TAMALIN: variants seen among roughly 807,000 people sequenced by gnomAD.
TAMALIN encodes trafficking regulator and scaffold protein tamalin.
In TAMALIN, 9 loss-of-function variants were observed where a neutral mutation model predicts 38.5. The ratio of observed to expected loss-of-function variants is 0.23; its 90% CI spans 0.14 to 0.41. The LOEUF (loss-of-function observed/expected upper bound fraction) is 0.41. Ranked by LOEUF, TAMALIN falls within the 10% of genes least tolerant of loss-of-function variation. TAMALIN has a pLI of 1.00. For missense variants in TAMALIN, 548 were observed against 554.1 expected, an observed-to-expected ratio of 0.99 and a Z score of 0.11; for synonymous variants, 306 against 256.5, an observed-to-expected ratio of 1.19 and a Z score of -1.85.
chr12:52,015,023 G>C lies in TAMALIN; in HGVS notation c.1012G>C (p.Gly338Arg), dbSNP rs1326278194. Reference sequence around the variant, plus strand: ...CCGCAGCGCCAGTGTGCGGTGCGCGGGCCCTGGCGGGGGCGGAGGCGGGGG... The same window carrying C: ...CCGCAGCGCCAGTGTGCGGTGCGCGCGCCCTGGCGGGGGCGGAGGCGGGGG... Reference protein sequence around the residue: ...LSRSASVRCAGPGGGGGGGAP... With the variant: ...LSRSASVRCARPGGGGGGGAP... Residue 338 changes from glycine (G) to arginine (R), a missense_variant, in exon 8 of 8, where the codon GGC becomes CGC. By Grantham distance (125) the Gly-to-Arg change is moderately radical. This residue lies in a region of TAMALIN where 415 missense variants were observed against 417.0 expected (regional missense o/e 1.00). Transcript: ENST00000293662. 7.1e-6 allele frequency: 9 copies of C among 1,272,028 alleles called. No individual in the cohort carries two copies. Among genetic ancestry groups the C allele is most frequent in the Non-Finnish European group, 8.9e-6 (9 of 1,006,670 alleles). The allele number at this position is 1,272,028 out of a possible 1,614,324, so 78.8% of individuals were successfully genotyped here.
In TAMALIN at chr12:52,007,524, AC is replaced by A. The variant is rs1051703170; in HGVS notation, c.246+265del. ...CTCTCCCTCCTTGACTCCTCCCAGC[AC>A]CCCCCTTCTCCTACCCGCTCCATCT... On this transcript the variant is annotated intron_variant, in intron 1 of 7. Transcript: ENST00000293662. The surrounding 1 kb of genome is among the most constrained non-coding windows in gnomAD (Gnocchi z 6.7). 6.2e-6 allele frequency: 6 copies of A among 969,748 alleles called. No homozygotes were observed. The highest frequency in any genetic ancestry group is 4.9e-5 in the South Asian group (1 of 20,508). The allele number at this position is 969,748 out of a possible 1,614,324, so 60.1% of individuals were successfully genotyped here.
chr12:52,008,488 G>C (rs953318298), intron 1 of TAMALIN: 2 of 982,408 alleles, frequency 2.0e-6, no homozygotes, highest in African/African-American at 3.5e-5. Flanking sequence ...CATCTAAGAT[G>C]TTTTGTCCCA....
In TAMALIN at chr12:52,015,198, A is replaced by AGGGGCG. The variant is rs754620705; in HGVS notation, c.*8_*13dup. On this transcript the variant is annotated inframe_insertion and stop_retained_variant, in exon 8 of 8. Transcript: ENST00000293662. ...CTGGAGGAGGAGGAGAGCCAGCTGT[A>AGGGGCG]GGGGCGGGGGCGGGCAGGGAGGTAT... The AGGGGCG allele has an allele frequency of 8.1e-6, 9 of 1,110,836 alleles. No individual in the cohort carries two copies. Among genetic ancestry groups the AGGGGCG allele is most frequent in the Non-Finnish European group, 1.0e-5 (8 of 774,660 alleles). 68.8% of individuals were successfully genotyped at this position (1,110,836 alleles called of 1,614,324 possible). A position where few individuals can be genotyped will look rare whatever the true frequency, so the allele number is the denominator to read the frequency against.
chr12:52,009,249 C>T lies in TAMALIN; in HGVS notation c.296+10C>T, dbSNP rs1942461176. 1 of 1,613,584 alleles carries T rather than the reference C, an allele frequency of 6.2e-7. No homozygotes were observed. The highest frequency in any genetic ancestry group is 8.5e-7 in the Non-Finnish European group (1 of 1,179,764). ...GTCCTGAACAGCAGCGGTGAGTCAC[C>T]AACACCCAGCCCCTGCCATGGTCCA... On this transcript the variant is annotated intron_variant, in intron 2 of 7. Transcript: ENST00000293662.
chr12:52,007,230 C>A lies in TAMALIN; in HGVS notation c.211C>A (p.Leu71Ile). Residue 71 changes from leucine (L) to isoleucine (I), a missense_variant, in exon 1 of 8, where the codon CTC (leucine) becomes ATC (isoleucine). Leu to Ile is a conservative substitution (Grantham distance 5). Transcript: ENST00000293662. This position sits in a 1 kb window ranked among gnomAD's most constrained non-coding sequence, Gnocchi z 6.7. ...DYHPAELYRA[L>I]AVSGGTLPRR... ...TCACCCTGCCGAGCTGTACCGCGCG[C>A]TCGCCGTGTCCGGGGGCACCCTGCC... 7.0e-7 allele frequency: 1 copy of A among 1,430,876 alleles called. No homozygotes were observed. The highest frequency in any genetic ancestry group is 9.1e-7 in the Non-Finnish European group (1 of 1,097,248). 88.6% of individuals were successfully genotyped at this position (1,430,876 alleles called of 1,614,324 possible).
chr12:52,008,515 T>A, intron 1 of TAMALIN: 3 of 984,814 alleles, frequency 3.0e-6, no homozygotes, highest in Non-Finnish European at 3.6e-6. Context: ...ACAAAATATA[T>A]GGCAATGGAG....
Position 52,011,151 on chromosome 12 carries a change from G to T in TAMALIN, c.454+10G>T. On this transcript the variant is annotated intron_variant, in intron 4 of 7. Coordinates refer to ENST00000293662, the MANE Select transcript of TAMALIN (RefSeq NM_181711.4). This position sits in a 1 kb window ranked among gnomAD's most constrained non-coding sequence, Gnocchi z 5.3. ...GCTGGGCTCACACCAGGTGGGGCCT[G>T]AGCCCAGGACACCCAGGTCTGGGAA... 6.2e-7 allele frequency: 1 copy of T among 1,610,590 alleles called. No individual in the cohort carries two copies.
Position 52,015,322 on chromosome 12 carries a change from T to A in TAMALIN, c.*123T>A. 3.3e-6 allele frequency: 4 copies of A among 1,199,660 alleles called. No homozygotes were observed. The highest frequency in any genetic ancestry group is 4.4e-6 in the Non-Finnish European group (4 of 910,918). The allele number at this position is 1,199,660 out of a possible 1,614,324, so 74.3% of individuals were successfully genotyped here. A position where few individuals can be genotyped will look rare whatever the true frequency, so the allele number is the denominator to read the frequency against. ...CAGCGGGAGAGGGTCCTTCCTAGCC[T>A]CGGCCCGCCGGGTCGGTTCCTGGCT... On this transcript the variant is annotated 3_prime_UTR_variant, in exon 8 of 8. Coordinates refer to ENST00000293662, the MANE Select transcript of TAMALIN (RefSeq NM_181711.4).
At position 52,007,218 on chromosome 12, in the gene TAMALIN, C is replaced by G. The variant is rs369337869; in HGVS notation, c.199C>G (p.Leu67Val). Residue 67 changes from leucine to valine, a missense_variant, in exon 1 of 8, where the codon CTG becomes GTG. By Grantham distance (32) the Leu-to-Val change is conservative. Around this residue, in one of 3 missense-constraint regions of TAMALIN, gnomAD observed 128 missense variants for 117.9 expected, o/e 1.09. Coordinates refer to ENST00000293662, the MANE Select transcript of TAMALIN (RefSeq NM_181711.4). The surrounding 1 kb of genome is among the most constrained non-coding windows in gnomAD (Gnocchi z 6.7). ...GCTGGAGGACTATCACCCTGCCGAG[C>G]TGTACCGCGCGCTCGCCGTGTCCGG... is the stretch of plus-strand genomic sequence containing the variant. Reference protein sequence around the residue: ...AALEDYHPAELYRALAVSGGT... With the variant: ...AALEDYHPAEVYRALAVSGGT... The G allele has an allele frequency of 4.8e-6, 7 of 1,452,892 alleles. No homozygotes were observed. The highest frequency in any genetic ancestry group is 1.4e-5 in the South Asian group (1 of 70,006). 90.0% of individuals were successfully genotyped at this position (1,452,892 alleles called of 1,614,324 possible). A position where few individuals can be genotyped will look rare whatever the true frequency, so the allele number is the denominator to read the frequency against.
chr12:52,009,643 G>A (rs1307447671), intron 2 of TAMALIN, among the ~76,000 whole-genome samples: 1 of 152,248 alleles, frequency 6.6e-6, no homozygotes, highest in Non-Finnish European at 1.5e-5. Context: ...GTGTCCAGCT[G>A]CTTGGGGCTG....
At chr12:52,012,798 G>A (rs1269597613) in intron 4 of TAMALIN, among the ~76,000 whole-genome samples, 2 of 152,208 alleles carry the variant, frequency 1.3e-5, no homozygotes, top group Non-Finnish European at 2.9e-5. Context: ...CTGTGCTTGA[G>A]GTCAGGAAGC....
intron 4 of TAMALIN, among the ~76,000 whole-genome samples, chr12:52,012,694 A>G (rs1213097419): frequency 6.6e-6 from 1 of 152,204 alleles, no homozygotes; most frequent in Non-Finnish European, 1.5e-5. Context: ...AGTAGTTTCA[A>G]ATCCACTCTC....
At position 52,008,079 on chromosome 12, in the gene TAMALIN, T is replaced by C. The variant is rs1474476038; in HGVS notation, c.246+814T>C. ...TAGCCCCCACACAATGAACAGCTTG[T>C]TGAGAATTTGCATTTTATGAAAATC... On this transcript the variant is annotated intron_variant, in intron 1 of 7. Transcript: ENST00000293662. 3.0e-6 allele frequency: 3 copies of C among 985,422 alleles called. No homozygotes were observed. The East Asian group carries it at 3.4e-4, about 112-fold the overall frequency. 61.0% of individuals were successfully genotyped at this position (985,422 alleles called of 1,614,324 possible). A position where few individuals can be genotyped will look rare whatever the true frequency, so the allele number is the denominator to read the frequency against.
chr12:52,010,909 A>T lies in TAMALIN; in HGVS notation c.325A>T (p.Asn109Tyr), dbSNP rs1451256251. The change falls in exon 3 of 8, where the codon AAC (asparagine) becomes TAC (tyrosine). Residue 109 changes from asparagine (N) to tyrosine (Y), a missense_variant. By Grantham distance (143) the Asn-to-Tyr change is moderately radical. This residue lies in a region of TAMALIN where 415 missense variants were observed against 417.0 expected (regional missense o/e 1.00). Coordinates refer to ENST00000293662, the MANE Select transcript of TAMALIN (RefSeq NM_181711.4). ...RKVLTLEKED[N>Y]QTFGFEIQTY... ...AGTGCTGACGTTGGAGAAGGAGGAT[A>T]ACCAGACCTTCGGCTTTGAGATCCA... 8.7e-6 allele frequency: 14 copies of T among 1,614,056 alleles called. No individual in the cohort carries two copies. In the Admixed American group the frequency reaches 2.3e-4, roughly 27 times the overall value.
At chr12:52,010,254 G>C (rs568433154) in intron 2 of TAMALIN, among the ~76,000 whole-genome samples, 3 of 152,202 alleles carry the variant, frequency 2.0e-5, no homozygotes, top group African/African-American at 7.2e-5. Flanking sequence ...TGTGCCTCTG[G>C]CTGGGCGGGA....
chr12:52,007,276 C>T lies in TAMALIN; in HGVS notation c.246+11C>T, dbSNP rs1200422863. 9 of 1,399,458 alleles carry T rather than the reference C, an allele frequency of 6.4e-6. No homozygotes were observed. The highest frequency in any genetic ancestry group is 8.3e-6 in the Non-Finnish European group (9 of 1,080,104). 86.7% of individuals were successfully genotyped at this position (1,399,458 alleles called of 1,614,324 possible). A position where few individuals can be genotyped will look rare whatever the true frequency, so the allele number is the denominator to read the frequency against. On this transcript the variant is annotated intron_variant, in intron 1 of 7. Transcript: ENST00000293662. The surrounding 1 kb of genome is among the most constrained non-coding windows in gnomAD (Gnocchi z 6.7). ...CTGCCCCGCCGAAAGGTGCGTCCCC[C>T]GCCCGCCTTCAGGATCTGCTCAGCC...
intron 4 of TAMALIN, among the ~76,000 whole-genome samples, chr12:52,012,450 T>C (rs963905142): frequency 7.9e-5 from 12 of 152,088 alleles, no homozygotes; most frequent in Non-Finnish European, 1.5e-4. Context: ...GATGGGGTTT[T>C]GCCTTGTTGG....
chr12:52,008,537 G>C, intron 1 of TAMALIN: 1 of 985,350 alleles, frequency 1.0e-6, no homozygotes, highest in Non-Finnish European at 1.2e-6. Flanking sequence ...GAGAGACCCA[G>C]GTATAGCTGG....
In TAMALIN at chr12:52,014,719, C is replaced by A; in HGVS notation, c.708C>A (p.Ile236=). 1 of 1,518,520 alleles carries A rather than the reference C, an allele frequency of 6.6e-7. No homozygotes were observed. Among genetic ancestry groups the A allele is most frequent in the East Asian group, 2.5e-5 (1 of 40,644 alleles). 94.1% of individuals were successfully genotyped at this position (1,518,520 alleles called of 1,614,324 possible). Reference sequence around the variant, plus strand: ...GCCTGGTGGTGAAGGACCCCAGCATCTACGACACGCTGGAGTCGGTGCGCT... The same window carrying A: ...GCCTGGTGGTGAAGGACCCCAGCATATACGACACGCTGGAGTCGGTGCGCT... ...VHGLVVKDPS[I]YDTLESVRSC... The change falls in exon 8 of 8, where the codon ATC becomes ATA. Residue 236 remains isoleucine (I), a synonymous_variant. Coordinates refer to ENST00000293662, the MANE Select transcript of TAMALIN (RefSeq NM_181711.4).
Sources: allele counts gnomAD v4.1 joint callset (sites outside exome capture counted in the v4.1 genomes callset), GRCh38; gene constraint gnomAD v4.1.1; regional missense constraint gnomAD v4.1.1; non-coding constraint Gnocchi (gnomAD v3.1); transcripts MANE v1.5; gene names NCBI Gene and HGNC (gene_info 2026-07-23, HGNC 2026-07-21).